The following CAMK1D variants were observed in gnomAD, a reference collection of about 807,000 sequenced individuals.
CAMK1D encodes the protein calcium/calmodulin dependent protein kinase ID, also known as calcium/calmodulin-dependent protein kinase type 1D.
In CAMK1D, 9 loss-of-function variants were observed where a neutral mutation model predicts 47.7. That is an observed-to-expected ratio of 0.19 (90% CI 0.11 to 0.33). The LOEUF (loss-of-function observed/expected upper bound fraction) is 0.33, where lower values mean the gene tolerates loss of function less well. Ranked by LOEUF, CAMK1D falls within the 10% of genes least tolerant of loss-of-function variation. The probability of loss-of-function intolerance (pLI) is 1.00; values close to 1 mark genes in which losing one functional copy is unlikely to be tolerated. For missense variants in CAMK1D, 291 were observed against 488.7 expected, an observed-to-expected ratio of 0.60 and a Z score of 3.81; for synonymous variants, 184 against 184.9, an observed-to-expected ratio of 0.99 and a Z score of 0.04.
chr10:12,410,231 A>T (rs897479923), intron 1 of CAMK1D, among the ~76,000 whole-genome samples: 1 of 152,204 alleles, frequency 6.6e-6, no homozygotes, highest in Non-Finnish European at 1.5e-5. Flanking sequence ...TTTGAACAAG[A>T]TGATGGTGGT....
Position 12,444,519 on chromosome 10 carries a change from G to A in CAMK1D, c.92+94609G>A, listed in dbSNP as rs545598819. 2.0e-5 allele frequency among the ~76,000 whole-genome samples: 3 copies of A among 152,242 alleles called. No homozygotes were observed. The South Asian group carries it at 6.2e-4, about 32-fold the overall frequency. ...GTGAACATGTGCCCAAGGTGGTTGGGGTGCAGCTTGGTTTTATACATTTTA... is the reference window on the plus strand; with the variant it reads ...GTGAACATGTGCCCAAGGTGGTTGGAGTGCAGCTTGGTTTTATACATTTTA... On this transcript the variant is annotated intron_variant, in intron 1 of 10. Transcript: ENST00000619168.
chr10:12,412,972 G>T (rs1296772906), intron 1 of CAMK1D, among the ~76,000 whole-genome samples: 1 of 152,172 alleles, frequency 6.6e-6, no homozygotes, highest in Non-Finnish European at 1.5e-5. Flanking sequence ...CCCACTCTGG[G>T]TTTTATTCAT....
intron 1 of CAMK1D, among the ~76,000 whole-genome samples, chr10:12,542,504 C>A (rs1291821517): frequency 6.6e-6 from 1 of 152,190 alleles, no homozygotes; most frequent in African/African-American, 2.4e-5. Context: ...GATATAATTT[C>A]ACCGAGTGGT....
intron 1 of CAMK1D, among the ~76,000 whole-genome samples, chr10:12,407,342 C>T (rs1352364395): frequency 6.6e-6 from 1 of 152,256 alleles, no homozygotes; most frequent in Non-Finnish European, 1.5e-5. Context: ...AAGGGAACTC[C>T]AGGAAATCAT....
Position 12,511,893 on chromosome 10 carries a change from C to T in CAMK1D, c.93-41332C>T, listed in dbSNP as rs372814953. Among the ~76,000 whole-genome samples, 10 of 152,288 alleles carry T rather than the reference C, an allele frequency of 6.6e-5. No individual in the cohort carries two copies. The East Asian group carries it at 1.5e-3, about 24-fold the overall frequency. ...TCTCCAGCAGTGGGGAGTATGTACC[C>T]GTCCTGTGAGCTTGGAGCTCCCTGG... On this transcript the variant is annotated intron_variant, in intron 1 of 10. Coordinates refer to ENST00000619168, the MANE Select transcript of CAMK1D (RefSeq NM_153498.4).
intron 1 of CAMK1D, among the ~76,000 whole-genome samples, chr10:12,550,955 C>T (rs2132267905): frequency 6.6e-6 from 1 of 152,254 alleles, no homozygotes; most frequent in Non-Finnish European, 1.5e-5. Flanking sequence ...ATTTAGCGTC[C>T]CTTGGATTGT....
intron 2 of CAMK1D, among the ~76,000 whole-genome samples, chr10:12,660,171 C>T (rs1840235589): frequency 6.6e-6 from 1 of 152,192 alleles, no homozygotes; most frequent in Non-Finnish European, 1.5e-5. Flanking sequence ...TAATTGCTTC[C>T]AGGGATGCCC....
At chr10:12,595,659 G>C (rs565346540) in intron 2 of CAMK1D, among the ~76,000 whole-genome samples, 21 of 152,232 alleles carry the variant, frequency 1.4e-4, no homozygotes, top group African/African-American at 4.6e-4. Context: ...CCTACCCCTT[G>C]ACCATGTTTC....
chr10:12,627,652 T>C (rs1255467415), intron 2 of CAMK1D, among the ~76,000 whole-genome samples: 1 of 152,216 alleles, frequency 6.6e-6, no homozygotes, highest in Non-Finnish European at 1.5e-5. Context: ...CACATTTTTT[T>C]TTGTATCTTT....
intron 2 of CAMK1D, among the ~76,000 whole-genome samples, chr10:12,611,634 C>A (rs1341671945): frequency 2.6e-5 from 3 of 114,680 alleles, no homozygotes; most frequent in African/African-American, 8.6e-5. Context: ...CTCTGTCTCC[C>A]AGGCTGGAGT....
intron 6 of CAMK1D, among the ~76,000 whole-genome samples, chr10:12,801,321 C>CT (rs1285035661): frequency 2.6e-5 from 3 of 114,458 alleles, no homozygotes; most frequent in Admixed American, 8.7e-5. Context: ...ATCTATCTAT[C>CT]TATCTATCTA....
At chr10:12,712,458 G>A (rs550361787) in intron 3 of CAMK1D, among the ~76,000 whole-genome samples, 2 of 152,052 alleles carry the variant, frequency 1.3e-5, no homozygotes, top group East Asian at 3.9e-4. Flanking sequence ...CAATGTGGAT[G>A]TGTATTTCTC....
chr10:12,783,560 C>A (rs1280531248), intron 5 of CAMK1D, among the ~76,000 whole-genome samples: 2 of 152,154 alleles, frequency 1.3e-5, no homozygotes, highest in Non-Finnish European at 2.9e-5. Flanking sequence ...AGGGAAAATT[C>A]TTTTCTACTT....
chr10:12,726,225 A>G (rs1287075955), intron 3 of CAMK1D, among the ~76,000 whole-genome samples: 1 of 151,878 alleles, frequency 6.6e-6, no homozygotes, highest in Non-Finnish European at 1.5e-5. Context: ...GGAGATCAAG[A>G]CTGTCTTAAC....
chr10:12,363,822 C>T (rs775180018), intron 1 of CAMK1D, among the ~76,000 whole-genome samples: 2 of 152,032 alleles, frequency 1.3e-5, no homozygotes, highest in African/African-American at 2.4e-5. Context: ...GTGTGTGCCA[C>T]CACACCTGGC....
At chr10:12,828,349 G>C (rs1018488042) in intron 10 of CAMK1D, among the ~76,000 whole-genome samples, 2 of 138,558 alleles carry the variant, frequency 1.4e-5, no homozygotes, top group African/African-American at 2.8e-5. Flanking sequence ...TAAAAATTTG[G>C]GTCCCCGCAA....
At chr10:12,441,528 TAAAA>T in intron 1 of CAMK1D, among the ~76,000 whole-genome samples, 1 of 146,738 alleles carries the variant, frequency 6.8e-6, no homozygotes, top group South Asian at 2.2e-4. Context: ...TTCCTTTTGT[TAAAA>T]AAAAAAAAAA....
In CAMK1D at chr10:12,830,606, G is replaced by A. The variant is rs1019653284; in HGVS notation, c.*1719G>A. On this transcript the variant is annotated 3_prime_UTR_variant, in exon 11 of 11. Transcript: ENST00000619168. ...TTGTTCGCCTTTGTGGAGCCAGGCA[G>A]TGTGTGGCCCAGGGAAAGCTGCGTT... 2 of 152,288 alleles carry A rather than the reference G, an allele frequency of 1.3e-5. No individual in the cohort carries two copies. Among genetic ancestry groups the A allele is most frequent in the African/African-American group, 4.8e-5 (2 of 41,458 alleles). 9.4% of individuals were successfully genotyped at this position (152,288 alleles called of 1,614,324 possible). A position where few individuals can be genotyped will look rare whatever the true frequency, so the allele number is the denominator to read the frequency against.
At position 12,553,327 on chromosome 10, in the gene CAMK1D, C is replaced by T; in HGVS notation, c.195C>T (p.Ser65=). The T allele has an allele frequency of 6.2e-7, 1 of 1,614,028 alleles. No homozygotes were observed. Among genetic ancestry groups the T allele is most frequent in the Non-Finnish European group, 8.5e-7 (1 of 1,179,894 alleles). ...AGGCGCTGAAGGGCAAGGAAAGCAGCATAGAGAATGAGATAGCCGTCCTGA... is the reference window on the plus strand; with the variant it reads ...AGGCGCTGAAGGGCAAGGAAAGCAGTATAGAGAATGAGATAGCCGTCCTGA... ...PKKALKGKES[S]IENEIAVLRK... The change falls in exon 2 of 11, where the codon AGC becomes AGT. Residue 65 remains serine, a synonymous_variant. Coordinates refer to ENST00000619168, the MANE Select transcript of CAMK1D (RefSeq NM_153498.4).
Sources: gnomAD v4.1 joint callset for allele counts (sites outside exome capture counted in the v4.1 genomes callset) on GRCh38, gnomAD v4.1.1 for gene constraint, MANE v1.5 for transcripts, NCBI Gene and HGNC (gene_info 2026-07-23, HGNC 2026-07-21) for gene names.